The following OPTN variants were observed in gnomAD, a reference collection of about 807,000 sequenced individuals.
OPTN encodes the protein optineurin, also known as E3-14.7K-interacting protein.
OPTN carries 54 observed loss-of-function variants against 70.4 expected under a neutral mutation model. The ratio of observed to expected loss-of-function variants is 0.77; its 90% CI spans 0.62 to 0.96. The LOEUF (loss-of-function observed/expected upper bound fraction) is 0.96. OPTN is among the 40% of genes least tolerant of loss of function. OPTN has a pLI of 0.00. For synonymous variants in OPTN, 256 were observed against 248.5 expected, an observed-to-expected ratio of 1.03 and a Z score of -0.28; for missense variants, 624 against 673.2, an observed-to-expected ratio of 0.93 and a Z score of 0.81.
intron 2 of OPTN, among the ~76,000 whole-genome samples, chr10:13,108,672 G>A (rs188096470): frequency 1.4e-4 from 21 of 151,528 alleles, no homozygotes; most frequent in African/African-American, 4.1e-4. Flanking sequence ...TCAGCCTCCC[G>A]AGTAGCTGGG....
intron 12 of OPTN, among the ~76,000 whole-genome samples, chr10:13,131,114 T>G (rs888759028): frequency 6.6e-6 from 1 of 151,994 alleles, no homozygotes; most frequent in East Asian, 1.9e-4. Context: ...AGCGATGAGG[T>G]TTTGCCATGT....
intron 4 of OPTN, among the ~76,000 whole-genome samples, chr10:13,111,709 G>A (rs1053779308): frequency 6.6e-6 from 1 of 151,926 alleles, no homozygotes; most frequent in African/African-American, 2.4e-5. Context: ...AAAAAAAATT[G>A]TCAGGTAAAA....
In OPTN at chr10:13,136,943, T is replaced by C; in HGVS notation, c.*77T>C. On this transcript the variant is annotated 3_prime_UTR_variant, in exon 15 of 15. Coordinates refer to ENST00000378747, the MANE Select transcript of OPTN (RefSeq NM_001008212.2). The stretch of plus-strand genomic sequence containing the variant: ...TCCAAGAGTTGTGCTTTTGTGTTAT[T>C]TGTTTTCACTCAAATATTTTGCCTC... The C allele has an allele frequency of 6.3e-7, 1 of 1,581,878 alleles. No individual in the cohort carries two copies. Among genetic ancestry groups the C allele is most frequent in the Non-Finnish European group, 8.7e-7 (1 of 1,153,996 alleles).
chr10:13,116,409 C>A, intron 6 of OPTN, 69 bp downstream of exon 6: 1 of 1,051,346 alleles, frequency 9.5e-7, no homozygotes, highest in Non-Finnish European at 1.5e-6. Flanking sequence ...TGCTTGTCAC[C>A]GGAGGTCAAA....
At chr10:13,109,047 G>T in intron 2 of OPTN, 65 bp from the exon 3 acceptor site, 2 of 1,455,684 alleles carry the variant, frequency 1.4e-6, no homozygotes, top group Non-Finnish European at 1.9e-6. Flanking sequence ...TGGGTTTGTG[G>T]GACTCCCGGG....
At chr10:13,126,283 C>CCTTTTTTTTTTTTTTTTTTTTTTTTTTT (rs771767144) in intron 11 of OPTN, among the ~76,000 whole-genome samples, 3 of 139,076 alleles carry the variant, frequency 2.2e-5, no homozygotes, top group African/African-American at 8.2e-5. Flanking sequence ...CTTCGTATTT[C>CCTTTTTTTTTTTTTTTTTTTTTTTTTTT]TTTTTTTTTT....
intron 6 of OPTN, among the ~76,000 whole-genome samples, chr10:13,117,809 CA>C (rs1216363526): frequency 1.3e-5 from 2 of 152,094 alleles, no homozygotes; most frequent in African/African-American, 4.8e-5. Flanking sequence ...GAATGACTTA[CA>C]AAACGTGAAA....
In OPTN at chr10:13,132,052, T is replaced by C. The variant is rs1588452732; in HGVS notation, c.1402-15T>C. 6.2e-7 allele frequency: 1 copy of C among 1,610,664 alleles called. No homozygotes were observed. The highest frequency in any genetic ancestry group is 2.2e-5 in the East Asian group (1 of 44,750). ...ATCTAGGTACTAACTTCTGTATCTT[T>C]TTTTCCTCTAACAGATGGAAGTTTA... On this transcript the variant is annotated splice_polypyrimidine_tract_variant and intron_variant, in intron 12 of 14. Coordinates refer to ENST00000378747, the MANE Select transcript of OPTN (RefSeq NM_001008212.2).
rs773608620 is a variant in OPTN, at chr10:13,109,221, C to T, written c.99C>T (p.Asp33=). 9.9e-6 allele frequency: 16 copies of T among 1,613,916 alleles called. No homozygotes were observed. In the Admixed American group the frequency reaches 1.0e-4, roughly 10 times the overall value. Residue 33 remains aspartate, a synonymous_variant, in exon 3 of 15, where the codon GAC becomes GAT. Transcript: ENST00000378747. ...CCCACCTGGCCCACCCAAACCTGGA[C>T]ACGTTTACCCCGGAGGAGCTGCTGC... The part of the protein sequence containing the change: ...GPPHLAHPNL[D]TFTPEELLQQ...
intron 5 of OPTN, among the ~76,000 whole-genome samples, chr10:13,115,480 A>T (rs1429049784): frequency 9.8e-6 from 1 of 102,130 alleles, no homozygotes; most frequent in East Asian, 2.7e-4. Context: ...AATATATATA[A>T]TATATTCTAT....
chr10:13,129,669 C>T (rs1008589573), intron 12 of OPTN, among the ~76,000 whole-genome samples: 49 of 152,144 alleles, frequency 3.2e-4, no homozygotes, highest in Non-Finnish European at 7.1e-4. Context: ...TGAGTTATGT[C>T]CATTTCTCAG....
chr10:13,110,837 C>T (rs1217235306), intron 4 of OPTN, among the ~76,000 whole-genome samples: 1 of 152,100 alleles, frequency 6.6e-6, no homozygotes, highest in Non-Finnish European at 1.5e-5. Context: ...TTTAAAAAAC[C>T]CATTACTCAG....
intron 4 of OPTN, among the ~76,000 whole-genome samples, chr10:13,111,910 T>C (rs1208490260): frequency 3.8e-5 from 5 of 132,408 alleles, no homozygotes; most frequent in Admixed American, 3.4e-4. Context: ...TACAGTGGCA[T>C]AATCTCGGCT....
chr10:13,131,440 G>A (rs1432887737), intron 12 of OPTN: 1 of 153,484 alleles, frequency 6.5e-6, no homozygotes, highest in Non-Finnish European at 1.5e-5. Context: ...GATTGAATAT[G>A]GAAAAGTTCA....
Position 13,118,988 on chromosome 10 carries a change from G to A in OPTN, c.727G>A (p.Gly243Arg), listed in dbSNP as rs761751878. The change falls in exon 7 of 15, where the codon GGG becomes AGG. Residue 243 changes from glycine (G) to arginine (R), a missense_variant. Transcript: ENST00000378747. Reference sequence around the variant, plus strand: ...CCAGCTCCTGCTGTGCCTAAGGGAAGGGAATCAGAAGGTGGAGAGACTTGA... The same window carrying A: ...CCAGCTCCTGCTGTGCCTAAGGGAAAGGAATCAGAAGGTGGAGAGACTTGA... ...VSQLLLCLRE[G>R]NQKVERLEVA... 6.2e-7 allele frequency: 1 copy of A among 1,614,102 alleles called. No individual in the cohort carries two copies. Among genetic ancestry groups the A allele is most frequent in the Non-Finnish European group, 8.5e-7 (1 of 1,180,000 alleles).
At chr10:13,100,133 GCCAGGCCGCGCATCAGCCCTAGGCACC>G, upstream of OPTN, 1 of 152,726 alleles carries the variant, frequency 6.5e-6, no homozygotes, top group Non-Finnish European at 1.5e-5. Context: ...GGGCGGGGTC[GCCAGGCCGCGCATCAGCCCTAGGCACC>G]CCAGTCCCGG....
intron 1 of OPTN, among the ~76,000 whole-genome samples, chr10:13,105,473 G>C (rs1268357632): frequency 6.6e-6 from 1 of 152,150 alleles, no homozygotes; most frequent in Non-Finnish European, 1.5e-5. Flanking sequence ...TTTTTCTGTG[G>C]CCTCCCTTAG....
At chr10:13,115,211 A>ATATATGTATTTATAGATATATCTATATT (rs1564359435) in intron 5 of OPTN, among the ~76,000 whole-genome samples, 1 of 28,836 alleles carries the variant, frequency 3.5e-5, no homozygotes, top group Non-Finnish European at 5.3e-5. Context: ...ATCTATATTT[A>ATATATGTATTTATAGATATATCTATATT]TATATATATT....
At chr10:13,108,847 T>A in intron 2 of OPTN, 1 of 430,010 alleles carries the variant, frequency 2.3e-6, no homozygotes, top group South Asian at 2.1e-5. Flanking sequence ...CGCCCGGCCC[T>A]CATTGTACCC....
Sources: allele counts gnomAD v4.1 joint callset (sites outside exome capture counted in the v4.1 genomes callset), GRCh38; gene constraint gnomAD v4.1.1; transcripts MANE v1.5; gene names NCBI Gene and HGNC (gene_info 2026-07-23, HGNC 2026-07-21).